The following TRPC4AP variants were observed in gnomAD, a reference collection of about 807,000 sequenced individuals.
TRPC4AP encodes the protein transient receptor potential cation channel subfamily C member 4 associated protein.
A neutral mutation model predicts 99.0 loss-of-function variants in TRPC4AP; 45 were observed. The ratio of observed to expected loss-of-function variants is 0.45; its 90% CI spans 0.36 to 0.58. The LOEUF is 0.58. Among genes scored for constraint, TRPC4AP ranks in the 20% least tolerant of loss-of-function variants. The probability of loss-of-function intolerance (pLI) is 0.00; values close to 1 mark genes in which losing one functional copy is unlikely to be tolerated. For missense variants in TRPC4AP, 879 were observed against 985.3 expected (o/e 0.89, Z 1.44); for synonymous variants, 408 against 385.8 (o/e 1.06, Z -0.67).
chr20:35,063,321 T>C (rs962727173), intron 3 of TRPC4AP, among the ~76,000 whole-genome samples: 13 of 152,296 alleles, frequency 8.5e-5, no homozygotes, highest in Admixed American at 2.0e-4. Context: ...TATTTCTTCA[T>C]TGCAGCATGA....
At position 35,049,992 on chromosome 20, in the gene TRPC4AP, T is replaced by C. The variant is rs2083656391; in HGVS notation, c.531A>G (p.Thr177=). The change falls in exon 6 of 19, where the codon ACA becomes ACG. Residue 177 remains threonine (T), a splice_region_variant and synonymous_variant. Transcript: ENST00000252015. ...CTGCCAAACGCTTTGTAACTCCCTCTGTCTGTCACAAGAAGAAAAGGCAGA... is the reference window on the plus strand; with the variant it reads ...CTGCCAAACGCTTTGTAACTCCCTCCGTCTGTCACAAGAAGAAAAGGCAGA... ...LSILYNTCVC[T]EGVTKRLAEK... 1.9e-6 allele frequency: 3 copies of C among 1,613,316 alleles called. No individual in the cohort carries two copies. The highest frequency in any genetic ancestry group is 2.5e-6 in the Non-Finnish European group (3 of 1,179,706).
chr20:35,032,832 T>C (rs1197651194), intron 8 of TRPC4AP, among the ~76,000 whole-genome samples: 1 of 150,578 alleles, frequency 6.6e-6, no homozygotes, highest in East Asian at 1.9e-4. Flanking sequence ...TCACAGGAAA[T>C]TTCTGTTGCC....
chr20:35,082,737 G>A (rs1211216657), intron 1 of TRPC4AP, among the ~76,000 whole-genome samples: 2 of 152,118 alleles, frequency 1.3e-5, no homozygotes. Context: ...TTTATTCAAT[G>A]CAATTCACCA....
chr20:35,034,738 A>G (rs1458209137), intron 8 of TRPC4AP, among the ~76,000 whole-genome samples: 1 of 152,170 alleles, frequency 6.6e-6, no homozygotes, highest in Non-Finnish European at 1.5e-5. Context: ...TCTTCTGCCT[A>G]GTCCCATCAA....
At position 35,007,652 on chromosome 20, in the gene TRPC4AP, A is replaced by T. The variant is rs746300460; in HGVS notation, c.1596-12T>A. ...GAGCTTGCCAAAACCTGCGACCCAA[A>T]TACTGGCTCAGGTGGCTAAGGCTGC... On this transcript the variant is annotated splice_polypyrimidine_tract_variant and intron_variant, in intron 13 of 18. Coordinates refer to ENST00000252015, the MANE Select transcript of TRPC4AP (RefSeq NM_015638.3). 6.2e-7 allele frequency: 1 copy of T among 1,614,140 alleles called. No individual in the cohort carries two copies.
intron 1 of TRPC4AP, among the ~76,000 whole-genome samples, chr20:35,086,533 G>GTATATATTTA (rs1308760481): frequency 1.4e-5 from 1 of 73,474 alleles, no homozygotes; most frequent in African/African-American, 7.5e-5. Flanking sequence ...ATATGTGTGT[G>GTATATATTTA]TGTGTGTGTG....
rs753069656 is a variant in TRPC4AP, at chr20:35,044,730, G to C, written c.658-18C>G. ...ATCATTTCCTACAGAAGACAAAAAT[G>C]AAACAATCCCCATGCTCAATTCACT... is the stretch of plus-strand genomic sequence containing the variant. On this transcript the variant is annotated intron_variant, in intron 6 of 18. Coordinates refer to ENST00000252015, the MANE Select transcript of TRPC4AP (RefSeq NM_015638.3). The C allele has an allele frequency of 6.2e-7, 1 of 1,611,336 alleles. No individual in the cohort carries two copies. The highest frequency in any genetic ancestry group is 8.5e-7 in the Non-Finnish European group (1 of 1,177,896).
chr20:35,068,967 ACAC>A (rs1410441802), intron 3 of TRPC4AP, among the ~76,000 whole-genome samples: 9 of 62,244 alleles, frequency 1.4e-4, no homozygotes, highest in African/African-American at 8.2e-4. Flanking sequence ...ACACACACAC[ACAC>A]ACACACACAA....
chr20:35,004,887 C>A (rs1283169825), intron 16 of TRPC4AP, among the ~76,000 whole-genome samples: 1 of 152,184 alleles, frequency 6.6e-6, no homozygotes, highest in Non-Finnish European at 1.5e-5. Flanking sequence ...GTTCCCTCCA[C>A]AGGAAGATGG....
At chr20:35,039,189 CCTG>C in intron 7 of TRPC4AP, among the ~76,000 whole-genome samples, 1 of 152,320 alleles carries the variant, frequency 6.6e-6, no homozygotes, top group South Asian at 2.1e-4. Flanking sequence ...AAAAATAGCT[CCTG>C]CTGCTTGACC....
chr20:35,063,492 G>A (rs977135665), intron 3 of TRPC4AP, among the ~76,000 whole-genome samples: 1 of 152,146 alleles, frequency 6.6e-6, no homozygotes, highest in Non-Finnish European at 1.5e-5. Flanking sequence ...TGATAAAAAT[G>A]TTCTGGTTAT....
Position 35,006,559 on chromosome 20 carries a change from A to G in TRPC4AP, c.1703T>C (p.Ile568Thr). 6.2e-7 allele frequency: 1 copy of G among 1,614,160 alleles called. No homozygotes were observed. ...RGLLEHILYC[I>T]VDSECKSRDV... ...CCTTGACTTACACTCGCTGTCCACAATGCAGTAAAGGATGTGCTGGGTGAG... is the reference window on the plus strand; with the variant it reads ...CCTTGACTTACACTCGCTGTCCACAGTGCAGTAAAGGATGTGCTGGGTGAG... Residue 568 changes from isoleucine to threonine, a missense_variant, in exon 15 of 19, where the codon ATT becomes ACT. Ile to Thr is a moderately conservative substitution (Grantham distance 89). This residue lies in a region of TRPC4AP where 52 missense variants were observed against 88.7 expected (regional missense o/e 0.59). Coordinates refer to ENST00000252015, the MANE Select transcript of TRPC4AP (RefSeq NM_015638.3).
intron 16 of TRPC4AP, among the ~76,000 whole-genome samples, 184 bp downstream of exon 16, chr20:35,005,511 C>T (rs2082497701): frequency 6.6e-6 from 1 of 152,194 alleles, no homozygotes; most frequent in Non-Finnish European, 1.5e-5. Flanking sequence ...TGGATTTTCA[C>T]CTTATTAAAG....
Position 35,002,919 on chromosome 20 carries a change from G to A in TRPC4AP, c.*227C>T, listed in dbSNP as rs2082423748. 1 of 525,380 alleles carries A rather than the reference G, an allele frequency of 1.9e-6. No homozygotes were observed. Among genetic ancestry groups the A allele is most frequent in the African/African-American group, 1.9e-5 (1 of 52,198 alleles). The allele number at this position is 525,380 out of a possible 1,614,324, so 32.5% of individuals were successfully genotyped here. On this transcript the variant is annotated 3_prime_UTR_variant, in exon 19 of 19. Transcript: ENST00000252015. ...GCCCCAGGGTTCTGAAGGAAAGGTGGGCATGGTACCCTGTCCTCATTATGG... is the reference window on the plus strand; with the variant it reads ...GCCCCAGGGTTCTGAAGGAAAGGTGAGCATGGTACCCTGTCCTCATTATGG...
intron 5 of TRPC4AP, among the ~76,000 whole-genome samples, chr20:35,050,541 C>G (rs981550035): frequency 1.3e-5 from 2 of 151,556 alleles, no homozygotes; most frequent in African/African-American, 4.8e-5. Flanking sequence ...GTGCCAAAAC[C>G]CTGTCTACTG....
intron 8 of TRPC4AP, among the ~76,000 whole-genome samples, chr20:35,028,084 G>A (rs1019808931): frequency 1.6e-4 from 25 of 152,008 alleles, no homozygotes; most frequent in Non-Finnish European, 3.2e-4. Context: ...TAAGGTAGAC[G>A]TTTAGGCAAT....
chr20:35,090,895 C>T (rs1470167692), intron 1 of TRPC4AP, among the ~76,000 whole-genome samples: 3 of 151,454 alleles, frequency 2.0e-5, no homozygotes, highest in African/African-American at 7.3e-5. Context: ...AAGCATAACT[C>T]AAAAGCTTGA....
At chr20:35,084,788 T>C (rs2084790566) in intron 1 of TRPC4AP, among the ~76,000 whole-genome samples, 1 of 150,820 alleles carries the variant, frequency 6.6e-6, no homozygotes, top group Admixed American at 6.6e-5. Context: ...ACAGGGTATA[T>C]GTATATTTAT....
chr20:35,047,192 T>C (rs868479072), intron 6 of TRPC4AP, among the ~76,000 whole-genome samples: 1 of 152,220 alleles, frequency 6.6e-6, no homozygotes, highest in African/African-American at 2.4e-5. Flanking sequence ...GTTTTAATTT[T>C]TGATATGTAC....
Sources: allele counts gnomAD v4.1 joint callset (sites outside exome capture counted in the v4.1 genomes callset), GRCh38; gene constraint gnomAD v4.1.1; regional missense constraint gnomAD v4.1.1; transcripts MANE v1.5; gene names NCBI Gene and HGNC (gene_info 2026-07-23, HGNC 2026-07-21).